The following IQCH variants were observed in gnomAD, a reference collection of about 807,000 sequenced individuals.
The protein encoded by IQCH is IQ domain-containing protein H.
IQCH carries 98 observed loss-of-function variants against 117.0 expected under a neutral mutation model. The observed-to-expected ratio is 0.84, with a 90% CI of 0.71 to 0.99. IQCH has a LOEUF of 0.99. IQCH is among the 50% of genes least tolerant of loss of function. IQCH has a pLI of 0.00. For synonymous variants in IQCH, 412 were observed against 448.2 expected (o/e 0.92, Z 1.02); for missense variants, 1,102 against 1,243.8 (o/e 0.89, Z 1.72).
At chr15:67,351,994 C>T (rs1969683658) in intron 6 of IQCH, among the ~76,000 whole-genome samples, 1 of 152,070 alleles carries the variant, frequency 6.6e-6, no homozygotes, top group Non-Finnish European at 1.5e-5. Flanking sequence ...AATATTTCTT[C>T]CATCTAGACT....
chr15:67,375,782 A>ATT (rs56656205), intron 10 of IQCH, among the ~76,000 whole-genome samples: 63 of 90,354 alleles, frequency 7.0e-4, no homozygotes, highest in African/African-American at 1.1e-3. Context: ...TTTGTTTTGG[A>ATT]TTTTTTTTTT....
chr15:67,354,851 T>C (rs554908314), intron 6 of IQCH, among the ~76,000 whole-genome samples: 1 of 152,332 alleles, frequency 6.6e-6, no homozygotes, highest in South Asian at 2.1e-4. Context: ...ATCTTCATGC[T>C]TGCCACCTCT....
chr15:67,391,991 C>T lies in IQCH; in HGVS notation c.1632+2985C>T, dbSNP rs1482224640. On this transcript the variant is annotated intron_variant, in intron 12 of 20. Coordinates refer to ENST00000335894, the MANE Select transcript of IQCH (RefSeq NM_001031715.3). The surrounding 1 kb of genome is among the most constrained non-coding windows in gnomAD (Gnocchi z 4.3). ...CATCCCCCTTCACATCTCAAAAACCCACCAGATCTTTACTACTCACTCGAT... is the reference window on the plus strand; with the variant it reads ...CATCCCCCTTCACATCTCAAAAACCTACCAGATCTTTACTACTCACTCGAT... Among the ~76,000 whole-genome samples, 8 of 152,144 alleles carry T rather than the reference C, an allele frequency of 5.3e-5. No homozygotes were observed. Among genetic ancestry groups the T allele is most frequent in the Non-Finnish European group, 1.2e-4 (8 of 68,028 alleles).
At position 67,471,980 on chromosome 15, in the gene IQCH, G is replaced by A. The variant is rs76379545; in HGVS notation, c.2677-3716G>A. On this transcript the variant is annotated intron_variant, in intron 17 of 20. Transcript: ENST00000335894. Reference sequence around the variant, plus strand: ...GATAATTGACAAAGTCCCTATCCTTGAGGAGCTGAAAAGAAAGGCCATAGA... The same window carrying A: ...GATAATTGACAAAGTCCCTATCCTTAAGGAGCTGAAAAGAAAGGCCATAGA... 4.1e-3 allele frequency among the ~76,000 whole-genome samples: 620 copies of A among 152,298 alleles called. 5 individuals carry two copies. The highest frequency in any genetic ancestry group is 0.014 in the African/African-American group (578 of 41,566).
rs1241579323 is a variant in IQCH, at chr15:67,366,270, TC to T, written c.754-5840del. On this transcript the variant is annotated intron_variant, in intron 8 of 20. Transcript: ENST00000335894. This position sits in a 1 kb window ranked among gnomAD's most constrained non-coding sequence, Gnocchi z 4.4. The stretch of plus-strand genomic sequence containing the variant: ...TTGTCCCCAGTGGTCCTTAACTATG[TC>T]ACATTTTCTCAGAGAATATTAGAGG... Among the ~76,000 whole-genome samples, 1 of 152,180 alleles carries T rather than the reference TC, an allele frequency of 6.6e-6. No homozygotes were observed. The highest frequency in any genetic ancestry group is 1.5e-5 in the Non-Finnish European group (1 of 68,030).
chr15:67,256,530 C>T (rs1229215232), intron 1 of IQCH, among the ~76,000 whole-genome samples: 2 of 152,216 alleles, frequency 1.3e-5, no homozygotes, highest in East Asian at 1.9e-4. Flanking sequence ...CAGACAAAGA[C>T]ACTTCTATCA....
At position 67,393,366 on chromosome 15, in the gene IQCH, C is replaced by G. The variant is rs1429381106; in HGVS notation, c.1633-1925C>G. On this transcript the variant is annotated intron_variant, in intron 12 of 20. Coordinates refer to ENST00000335894, the MANE Select transcript of IQCH (RefSeq NM_001031715.3). The surrounding 1 kb of genome is among the most constrained non-coding windows in gnomAD (Gnocchi z 5.5). ...CATCTGATATTCCTTGAAACAATCA[C>G]TTAGCATTTCTCCATATTTTTATGC... Among the ~76,000 whole-genome samples the G allele has an allele frequency of 6.6e-6, 1 of 152,170 alleles. No individual in the cohort carries two copies. Among genetic ancestry groups the G allele is most frequent in the African/African-American group, 2.4e-5 (1 of 41,442 alleles).
intron 4 of IQCH, 143 bp from the exon 5 acceptor site, chr15:67,336,832 C>G: frequency 1.4e-6 from 1 of 694,192 alleles, no homozygotes; most frequent in African/African-American, 1.8e-5. Flanking sequence ...ACAGGGTATT[C>G]ATGAGCAATA....
chr15:67,320,706 C>A (rs1968076263), intron 4 of IQCH, among the ~76,000 whole-genome samples: 1 of 152,170 alleles, frequency 6.6e-6, no homozygotes, highest in Admixed American at 6.5e-5. Flanking sequence ...ACAGAATGGG[C>A]TCCTATTAAC....
chr15:67,304,528 G>A, intron 4 of IQCH: 1 of 706,966 alleles, frequency 1.4e-6, no homozygotes, highest in Non-Finnish European at 2.3e-6. Context: ...AGTGTAAGAT[G>A]TAATGTAGAT....
At chr15:67,347,194 T>G (rs1180959928) in intron 6 of IQCH, among the ~76,000 whole-genome samples, 1 of 139,572 alleles carries the variant, frequency 7.2e-6, no homozygotes, top group Non-Finnish European at 1.5e-5. Context: ...GTCAGTGAAA[T>G]GGAAAATAGA....
intron 4 of IQCH, among the ~76,000 whole-genome samples, chr15:67,285,989 T>C (rs953089192): frequency 6.6e-6 from 1 of 152,220 alleles, no homozygotes; most frequent in African/African-American, 2.4e-5. Context: ...ATTGGTACTT[T>C]GATAGGGATT....
At chr15:67,310,473 G>C (rs142998459) in intron 4 of IQCH, among the ~76,000 whole-genome samples, 2 of 152,150 alleles carry the variant, frequency 1.3e-5, no homozygotes, top group African/African-American at 4.8e-5. Flanking sequence ...TATGTGTGAA[G>C]GTCATAAAGC....
At chr15:67,300,337 C>T (rs1966962604) in intron 4 of IQCH, among the ~76,000 whole-genome samples, 1 of 152,088 alleles carries the variant, frequency 6.6e-6, no homozygotes, top group African/African-American at 2.4e-5. Context: ...AAGATACTTA[C>T]CATACATTAG....
At chr15:67,335,952 TTGA>T (rs1968873837) in intron 4 of IQCH, among the ~76,000 whole-genome samples, 1 of 152,208 alleles carries the variant, frequency 6.6e-6, no homozygotes, top group South Asian at 2.1e-4. Context: ...CCCTCTGGTC[TTGA>T]TGAAGCTTTC....
Position 67,299,185 on chromosome 15 carries a change from A to G in IQCH, c.387+19673A>G, listed in dbSNP as rs138879403. Among the ~76,000 whole-genome samples the G allele has an allele frequency of 9.2e-5, 14 of 152,262 alleles. No individual in the cohort carries two copies. The East Asian group carries it at 2.5e-3, about 27-fold the overall frequency. Reference sequence around the variant, plus strand: ...CCAGGCATAGAAGGGCAGGATTCACATGTTCTCACTTATTTGTGGAAGCTA... The same window carrying G: ...CCAGGCATAGAAGGGCAGGATTCACGTGTTCTCACTTATTTGTGGAAGCTA... On this transcript the variant is annotated intron_variant, in intron 4 of 20. Coordinates refer to ENST00000335894, the MANE Select transcript of IQCH (RefSeq NM_001031715.3).
At chr15:67,382,997 C>G (rs888756930) in intron 10 of IQCH, among the ~76,000 whole-genome samples, 2 of 152,152 alleles carry the variant, frequency 1.3e-5, no homozygotes, top group Non-Finnish European at 2.9e-5. Context: ...TAAAACAAAA[C>G]AAGTCTGACT....
In IQCH at chr15:67,372,533, T is replaced by C. The variant is rs150123569; in HGVS notation, c.1176T>C (p.Tyr392=). The C allele has an allele frequency of 1.5e-4, 241 of 1,614,028 alleles. No individual in the cohort carries two copies. In the African/African-American group the frequency reaches 2.8e-3, roughly 19 times the overall value. Residue 392 remains tyrosine (Y), a synonymous_variant, in exon 9 of 21, where the codon TAT becomes TAC. Transcript: ENST00000335894. ...AAGCAAGAAAATTCTTCCTCTTTTA[T>C]CGCCAGCAGAAGTGGGCATCAGGTG... ...CYKARKFFLF[Y]RQQKWASGVI... is the part of the protein sequence containing the mutation.
chr15:67,419,756 CAG>C (rs2081678430), intron 15 of IQCH, among the ~76,000 whole-genome samples: 1 of 152,062 alleles, frequency 6.6e-6, no homozygotes, highest in African/African-American at 2.4e-5. Context: ...TTTGTAGAGA[CAG>C]GGTCTAACTT....
Sources: allele counts gnomAD v4.1 joint callset (sites outside exome capture counted in the v4.1 genomes callset), GRCh38; gene constraint gnomAD v4.1.1; non-coding constraint Gnocchi (gnomAD v3.1); transcripts MANE v1.5; gene names NCBI Gene and HGNC (gene_info 2026-07-23, HGNC 2026-07-21).